Variants in NDC1 observed in about 807,000 individuals in gnomAD.
NDC1 encodes the protein NDC1 transmembrane nucleoporin.
NDC1 carries 24 observed loss-of-function variants against 89.8 expected under a neutral mutation model. That is an observed-to-expected ratio of 0.27 (90% CI 0.19 to 0.38). The LOEUF is 0.38. Among genes scored for constraint, NDC1 ranks in the 10% least tolerant of loss-of-function variants. The pLI is 1.00. For missense variants in NDC1, 728 were observed against 797.6 expected (o/e 0.91, Z 1.05); for synonymous variants, 296 against 284.8 (o/e 1.04, Z -0.39).
intron 11 of NDC1, among the ~76,000 whole-genome samples, chr1:53,799,932 T>C (rs1053690840): frequency 2.6e-5 from 4 of 152,210 alleles, no homozygotes; most frequent in African/African-American, 9.7e-5. Context: ...ACTAACATTA[T>C]GCCCCACTTC....
At chr1:53,836,238 A>G (rs1050974793) in intron 1 of NDC1, among the ~76,000 whole-genome samples, 5 of 152,098 alleles carry the variant, frequency 3.3e-5, no homozygotes, top group African/African-American at 1.2e-4. Flanking sequence ...GAGACAATGC[A>G]GTTAGGAGGC....
rs776049255 is a variant in NDC1 at position 53,803,939 on chromosome 1, A to T, written c.1055T>A (p.Leu352His). 3.0e-5 allele frequency: 49 copies of T among 1,612,972 alleles called. No individual in the cohort carries two copies. Among genetic ancestry groups the T allele is most frequent in the Non-Finnish European group, 4.0e-5 (47 of 1,179,038 alleles). The change falls in exon 10 of 18, where the codon CTC becomes CAC. Residue 352 changes from leucine to histidine, a missense_variant. Coordinates refer to ENST00000371429, the MANE Select transcript of NDC1 (RefSeq NM_018087.5). ...SPSRRQEVFS[L>H]SQPGGHPHNW... is the part of the protein sequence containing the mutation. Reference sequence around the variant, plus strand: ...ACTTTTAGCAATACCTGGTTGGCTGAGGCTGAAAACTTCTTGTCTTCGTGA... The same window carrying T: ...ACTTTTAGCAATACCTGGTTGGCTGTGGCTGAAAACTTCTTGTCTTCGTGA...
At chr1:53,815,038 T>G (rs1393797905) in intron 6 of NDC1, among the ~76,000 whole-genome samples, 3 of 152,140 alleles carry the variant, frequency 2.0e-5, no homozygotes, top group African/African-American at 4.8e-5. Flanking sequence ...CAAAGAAGAA[T>G]TAGTACCAAT....
chr1:53,820,046 G>A (rs1333938276), intron 5 of NDC1, among the ~76,000 whole-genome samples: 3 of 152,134 alleles, frequency 2.0e-5, no homozygotes, highest in Admixed American at 1.3e-4. Context: ...CTTGAGGTCA[G>A]GGGTTCGTAA....
intron 6 of NDC1, among the ~76,000 whole-genome samples, chr1:53,818,676 G>C (rs987478980): frequency 1.3e-5 from 2 of 152,116 alleles, no homozygotes; most frequent in Non-Finnish European, 2.9e-5. Context: ...TTGTCTTTTT[G>C]TGACTGGCTT....
At chr1:53,781,034 T>G in intron 16 of NDC1, among the ~76,000 whole-genome samples, 1 of 151,974 alleles carries the variant, frequency 6.6e-6, no homozygotes, top group Non-Finnish European at 1.5e-5. Context: ...TTAAAAATTT[T>G]TTTTATAGAC....
At chr1:53,796,579 A>G (rs1344078260) in intron 13 of NDC1, 110 bp downstream of exon 13, 1 of 624,248 alleles carries the variant, frequency 1.6e-6, no homozygotes, top group East Asian at 2.8e-5. Context: ...TACACGAAGC[A>G]TAAAAAAAAA....
chr1:53,828,758 C>G (rs1648959561), intron 3 of NDC1, among the ~76,000 whole-genome samples: 2 of 151,988 alleles, frequency 1.3e-5, no homozygotes, highest in South Asian at 4.1e-4. Context: ...ATTACCGGTG[C>G]CTGCCACCAT....
At chr1:53,768,211 T>C (rs1224433861) in intron 17 of NDC1, among the ~76,000 whole-genome samples, 178 bp from the exon 18 acceptor site, 1 of 152,218 alleles carries the variant, frequency 6.6e-6, no homozygotes, top group Non-Finnish European at 1.5e-5. Context: ...AGAGGAGGGC[T>C]TGCATTCAGT....
At chr1:53,833,992 A>G (rs1649151417) in intron 2 of NDC1, among the ~76,000 whole-genome samples, 1 of 151,958 alleles carries the variant, frequency 6.6e-6, no homozygotes, top group South Asian at 2.1e-4. Flanking sequence ...CACCACACCC[A>G]GGCTGGTCAT....
At chr1:53,816,517 A>C (rs1303050242) in intron 6 of NDC1, among the ~76,000 whole-genome samples, 1 of 152,228 alleles carries the variant, frequency 6.6e-6, no homozygotes, top group Non-Finnish European at 1.5e-5. Flanking sequence ...CATTGAAAAA[A>C]ACCCTTCTAG....
intron 16 of NDC1, among the ~76,000 whole-genome samples, chr1:53,773,319 G>C (rs1570152836): frequency 6.6e-6 from 1 of 152,018 alleles, no homozygotes; most frequent in Non-Finnish European, 1.5e-5. Flanking sequence ...AATTATTTTT[G>C]CCATCAAGTT....
At chr1:53,775,227 T>C (rs1647152192) in intron 16 of NDC1, among the ~76,000 whole-genome samples, 1 of 152,206 alleles carries the variant, frequency 6.6e-6, no homozygotes, top group African/African-American at 2.4e-5. Flanking sequence ...AGCCATTTTC[T>C]TTGCACCTTA....
At chr1:53,787,108 G>T in intron 16 of NDC1, 50 bp downstream of exon 16, 2 of 892,528 alleles carry the variant, frequency 2.2e-6, no homozygotes, top group Non-Finnish European at 1.8e-6. Context: ...AAAGCACTGG[G>T]TGGGAGGGGA....
At chr1:53,810,410 AAAG>A (rs955768716) in intron 6 of NDC1, among the ~76,000 whole-genome samples, 3 of 151,800 alleles carry the variant, frequency 2.0e-5, no homozygotes, top group African/African-American at 4.8e-5. Flanking sequence ...TAATTAAAAA[AAAG>A]AAGAAACTGG....
chr1:53,778,810 C>T (rs1647181808), intron 16 of NDC1, among the ~76,000 whole-genome samples: 1 of 151,354 alleles, frequency 6.6e-6, no homozygotes, highest in Non-Finnish European at 1.5e-5. Flanking sequence ...TTTTTTTTAA[C>T]CTTTCTTTTA....
At position 53,825,785 on chromosome 1, in the gene NDC1, C is replaced by G; in HGVS notation, c.594+13G>C. On this transcript the variant is annotated intron_variant, in intron 5 of 17. Coordinates refer to ENST00000371429, the MANE Select transcript of NDC1 (RefSeq NM_018087.5). ...CCAAATTTTGACATCAAGTAATGCT[C>G]AAATGATCTTACCTGTATGATGGGA... The G allele has an allele frequency of 6.4e-7, 1 of 1,564,810 alleles. No individual in the cohort carries two copies. The highest frequency in any genetic ancestry group is 8.6e-7 in the Non-Finnish European group (1 of 1,162,932).
At chr1:53,821,903 T>C (rs1211774363) in intron 5 of NDC1, among the ~76,000 whole-genome samples, 1 of 152,266 alleles carries the variant, frequency 6.6e-6, no homozygotes, top group African/African-American at 2.4e-5. Context: ...TTGATGTCCA[T>C]TTCTTTGTGC....
At position 53,828,098 on chromosome 1, in the gene NDC1, A is replaced by G; in HGVS notation, c.356T>C (p.Phe119Ser). The G allele has an allele frequency of 6.2e-7, 1 of 1,614,152 alleles. No individual in the cohort carries two copies. Among genetic ancestry groups the G allele is most frequent in the South Asian group, 1.1e-5 (1 of 91,088 alleles). ...IIHPQQLMHS[F>S]IHAAMGMVMA... is the part of the protein sequence containing the mutation. ...CACCATTCCCATTGCAGCATGAATA[A>G]ATGAGTGCATGAGTTGCTGAGGATG... Residue 119 changes from phenylalanine (F) to serine (S), a missense_variant, in exon 4 of 18, where the codon TTT becomes TCT. Physicochemically the swap from Phe to Ser is radical, Grantham distance 155. Coordinates refer to ENST00000371429, the MANE Select transcript of NDC1 (RefSeq NM_018087.5).
Sources: gnomAD v4.1 joint callset for allele counts (sites outside exome capture counted in the v4.1 genomes callset) on GRCh38, gnomAD v4.1.1 for gene constraint, MANE v1.5 for transcripts, NCBI Gene and HGNC (gene_info 2026-07-23, HGNC 2026-07-21) for gene names.